The following AR variants were observed in gnomAD, a reference collection of about 807,000 sequenced individuals.
AR encodes the protein androgen receptor, also known as dihydrotestosterone receptor.
Under a neutral mutation model 53.9 loss-of-function variants are expected in AR, and 8 were observed. The observed-to-expected ratio is 0.15, with a 90% CI of 0.09 to 0.27. The LOEUF is 0.27. AR is among the 10% of genes least tolerant of loss of function. The pLI is 1.00. For synonymous variants in AR, 359 were observed against 316.4 expected (o/e 1.13, Z -1.43); for missense variants, 639 against 742.5 (o/e 0.86, Z 1.62).
At chrX:67,670,641 A>G (rs1384227122) in intron 2 of AR, among the ~76,000 whole-genome samples, 1 of 109,742 alleles carries the variant, frequency 9.1e-6, no homozygotes, top group African/African-American at 3.3e-5. Flanking sequence ...ATACATGTGC[A>G]GAACGTGCAG....
rs147842041 is a variant in AR at position 67,545,265 on chromosome X, G to A, written c.119G>A (p.Arg40Lys). The A allele has an allele frequency of 1.6e-5, 19 of 1,208,722 alleles. No homozygotes were observed. Among genetic ancestry groups the A allele is most frequent in the Admixed American group, 6.6e-5 (3 of 45,694 alleles). The change falls in exon 1 of 8, where the codon AGG becomes AAG. Residue 40 changes from arginine (R) to lysine (K), a missense_variant. By Grantham distance (26) the Arg-to-Lys change is conservative (BLOSUM62 2). Coordinates refer to ENST00000374690, the MANE Select transcript of AR (RefSeq NM_000044.6). ...GAAGTGATCCAGAACCCGGGCCCCA[G>A]GCACCCAGAGGCCGCGAGCGCAGCA... ...VREVIQNPGP[R>K]HPEAASAAPP...
At chrX:67,648,314 C>A (rs1292598786) in intron 2 of AR, among the ~76,000 whole-genome samples, 1 of 111,566 alleles carries the variant, frequency 9.0e-6, no homozygotes. Flanking sequence ...ATTTTCTAGA[C>A]TTCTGTGTTG....
chrX:67,679,946 T>G (rs1262123972), intron 2 of AR, among the ~76,000 whole-genome samples: 5 of 112,247 alleles, frequency 4.5e-5, no homozygotes, highest in Non-Finnish European at 9.4e-5. Context: ...ACTTATGTTT[T>G]CTTCATTGTC....
At chrX:67,706,479 G>C (rs1351293082) in intron 3 of AR, among the ~76,000 whole-genome samples, 2 of 111,203 alleles carry the variant, frequency 1.8e-5, no homozygotes. Flanking sequence ...TATTTCTGTG[G>C]GATCGGTGGT....
At chrX:67,705,419 G>C (rs1204269358) in intron 3 of AR, among the ~76,000 whole-genome samples, 1 of 111,470 alleles carries the variant, frequency 9.0e-6, no homozygotes, top group Non-Finnish European at 1.9e-5. Flanking sequence ...TTGTGAATGG[G>C]AGTTCACTCA....
rs141211987 is a variant in AR, at chrX:67,586,465, C to T, written c.1616+39703C>T. Among the ~76,000 whole-genome samples the T allele has an allele frequency of 1.2e-3, 140 of 112,294 alleles. 2 individuals carry two copies. The East Asian group carries it at 0.033, about 26-fold the overall frequency. ...TGTCTGTAACTCCTTTATCACACTTCTTCCTGTGATTAGTCAATTCACTTG... is the reference window on the plus strand; with the variant it reads ...TGTCTGTAACTCCTTTATCACACTTTTTCCTGTGATTAGTCAATTCACTTG... On this transcript the variant is annotated intron_variant, in intron 1 of 7. Coordinates refer to ENST00000374690, the MANE Select transcript of AR (RefSeq NM_000044.6).
chrX:67,670,053 G>T (rs1371297674), intron 2 of AR, among the ~76,000 whole-genome samples: 2 of 89,626 alleles, frequency 2.2e-5, no homozygotes, highest in Non-Finnish European at 4.3e-5. Flanking sequence ...ATTAGTTTTG[G>T]GGGCACAAGT....
intron 7 of AR, among the ~76,000 whole-genome samples, chrX:67,723,414 G>A (rs1225138060): frequency 9.8e-6 from 1 of 102,307 alleles, no homozygotes. Flanking sequence ...GCACAAGCTG[G>A]AGAAGTCTTG....
chrX:67,723,002 G>C lies in AR; in HGVS notation c.2607+18G>C, dbSNP rs746685186. 2 of 1,209,974 alleles carry C rather than the reference G, an allele frequency of 1.7e-6. No individual in the cohort carries two copies. Among genetic ancestry groups the C allele is most frequent in the South Asian group, 1.8e-5 (1 of 56,854 alleles). ...TGCAGCCTGTAAGCAAACGATGGAGGGTGCTTTATCAGGGAGAACAGCCTG... is the reference window on the plus strand; with the variant it reads ...TGCAGCCTGTAAGCAAACGATGGAGCGTGCTTTATCAGGGAGAACAGCCTG... On this transcript the variant is annotated intron_variant, in intron 7 of 7. Transcript: ENST00000374690.
chrX:67,594,824 C>A, intron 1 of AR, among the ~76,000 whole-genome samples: 1 of 111,321 alleles, frequency 9.0e-6, no homozygotes, highest in East Asian at 2.8e-4. Flanking sequence ...TGGTACGCAC[C>A]TGTAGTCCCA....
At chrX:67,591,247 G>A (rs1922816131) in intron 1 of AR, among the ~76,000 whole-genome samples, 1 of 110,870 alleles carries the variant, frequency 9.0e-6, no homozygotes, top group Non-Finnish European at 1.9e-5. Context: ...ATAACTATAG[G>A]ATGGGTTTGG....
At position 67,579,756 on chromosome X, in the gene AR, G is replaced by T. The variant is rs113747504; in HGVS notation, c.1616+32994G>T. 4.5e-3 allele frequency among the ~76,000 whole-genome samples: 500 copies of T among 111,492 alleles called. 3 individuals are homozygous for T. The highest frequency in any genetic ancestry group is 0.016 in the African/African-American group (478 of 30,729). ...CTTTGAGCTCAAGCTCACTCTCGTT[G>T]GCTCTCTTCGTTTCTTCCTCTTACA... is the stretch of plus-strand genomic sequence containing the variant. On this transcript the variant is annotated intron_variant, in intron 1 of 7. Transcript: ENST00000374690.
At chrX:67,548,148 A>C (rs1291132909) in intron 1 of AR, among the ~76,000 whole-genome samples, 2 of 111,808 alleles carry the variant, frequency 1.8e-5, no homozygotes, top group Non-Finnish European at 3.8e-5. Flanking sequence ...TTGGGGACTT[A>C]AATCCAGCAA....
intron 1 of AR, among the ~76,000 whole-genome samples, chrX:67,627,293 T>C (rs1403041197): frequency 9.0e-6 from 1 of 111,586 alleles, no homozygotes; most frequent in Non-Finnish European, 1.9e-5. Flanking sequence ...CCAGCACCTG[T>C]TGTTTCCTGA....
At chrX:67,583,053 C>T (rs1272173177) in intron 1 of AR, among the ~76,000 whole-genome samples, 2 of 111,528 alleles carry the variant, frequency 1.8e-5, no homozygotes, top group Non-Finnish European at 3.8e-5. Flanking sequence ...TGGTGGTGCT[C>T]ATCAACTTTG....
In AR at chrX:67,724,160, G is replaced by T. The variant is rs886069873; in HGVS notation, c.*319G>T. ...TGATCCTCATATGGCCCAGTGTCAA[G>T]TTGTGCTTGTTTACAGCACTACTCT... is the stretch of plus-strand genomic sequence containing the variant. On this transcript the variant is annotated 3_prime_UTR_variant, in exon 8 of 8. Coordinates refer to ENST00000374690, the MANE Select transcript of AR (RefSeq NM_000044.6). 4 of 308,553 alleles carry T rather than the reference G, an allele frequency of 1.3e-5. No homozygotes were observed. The highest frequency in any genetic ancestry group is 2.3e-5 in the Non-Finnish European group (4 of 177,272). The allele number at this position is 308,553 out of a possible 1,213,427, so 25.4% of individuals were successfully genotyped here. A position where few individuals can be genotyped will look rare whatever the true frequency, so the allele number is the denominator to read the frequency against.
intron 1 of AR, among the ~76,000 whole-genome samples, chrX:67,642,634 G>A (rs1925841659): frequency 9.0e-6 from 1 of 111,206 alleles, no homozygotes; most frequent in African/African-American, 3.3e-5. Context: ...AAACACCTAA[G>A]GAAAGTGAAG....
chrX:67,597,816 G>A lies in AR; in HGVS notation c.1617-45440G>A, dbSNP rs756105862. ...GTTTCACTGGGACCAGCTGGAAAAC[G>A]AAAAATAGAATTATCCAACTACCAC... On this transcript the variant is annotated intron_variant, in intron 1 of 7. Transcript: ENST00000374690. Among the ~76,000 whole-genome samples, 8 of 112,185 alleles carry A rather than the reference G, an allele frequency of 7.1e-5. No homozygotes were observed. The East Asian group carries it at 2.2e-3, about 31-fold the overall frequency.
intron 4 of AR, among the ~76,000 whole-genome samples, chrX:67,713,505 CATTTT>C (rs1170425677): frequency 8.9e-6 from 1 of 112,085 alleles, no homozygotes; most frequent in Non-Finnish European, 1.9e-5. Context: ...ACACTTATCT[CATTTT>C]ATAGGCTACA....
Sources: gnomAD v4.1 joint callset for allele counts (sites outside exome capture counted in the v4.1 genomes callset) on GRCh38, gnomAD v4.1.1 for gene constraint, MANE v1.5 for transcripts, NCBI Gene and HGNC (gene_info 2026-07-23, HGNC 2026-07-21) for gene names.